Variants in DIP2C observed in about 807,000 individuals in gnomAD.
The protein encoded by DIP2C is DIP2 acetate--CoA ligase C (putative), also known as disco-interacting protein 2 homolog C.
In DIP2C, 33 loss-of-function variants were observed where a neutral mutation model predicts 192.4. The ratio of observed to expected loss-of-function variants is 0.17; its 90% CI spans 0.13 to 0.23. The LOEUF is 0.23. Ranked by LOEUF, DIP2C falls within the 10% of genes least tolerant of loss-of-function variation. The pLI, the probability that DIP2C is intolerant of heterozygous loss-of-function variation, is 1.00. For missense variants in DIP2C, 1,537 were observed against 2,110.1 expected, an observed-to-expected ratio of 0.73 and a Z score of 5.32; for synonymous variants, 979 against 864.1, an observed-to-expected ratio of 1.13 and a Z score of -2.33.
In DIP2C at chr10:621,990, C is replaced by T. The variant is rs147537379; in HGVS notation, c.85+67504G>A. Reference sequence around the variant, plus strand: ...TTTTTTCTTTTTTTTAATGCTCTACCGTGTGTCTTAGTTTAATTTCAAAGT... The same window carrying T: ...TTTTTTCTTTTTTTTAATGCTCTACTGTGTGTCTTAGTTTAATTTCAAAGT... On this transcript the variant is annotated intron_variant, in intron 1 of 36. Coordinates refer to ENST00000280886, the MANE Select transcript of DIP2C (RefSeq NM_014974.3). Among the ~76,000 whole-genome samples, 15 of 151,816 alleles carry T rather than the reference C, an allele frequency of 9.9e-5. 1 individual carries two copies. The East Asian group carries it at 2.9e-3, about 30-fold the overall frequency.
In DIP2C at chr10:329,439, G is replaced by C; in HGVS notation, c.3747C>G (p.Ser1249=). The C allele has an allele frequency of 7.4e-6, 12 of 1,613,174 alleles. No individual in the cohort carries two copies. The highest frequency in any genetic ancestry group is 1.0e-5 in the Non-Finnish European group (12 of 1,179,544). Residue 1249 remains serine, a synonymous_variant, in exon 30 of 37, where the codon TCC becomes TCG. Transcript: ENST00000280886. ...TGCCAAGGGAGCTGCTTACCTTGAG[G>C]GACTCTGTTTGCGAGCCCAGCCCCT... ...CTKGLGSQTE[S]LKARGLDLSR... is the part of the protein sequence containing the mutation.
chr10:387,713 T>TGGACAGACACGGCCGGGG, intron 14 of DIP2C, 32 bp downstream of exon 14: 1 of 1,602,956 alleles, frequency 6.2e-7, no homozygotes, highest in Non-Finnish European at 8.5e-7. Flanking sequence ...GACTCCTTTG[T>TGGACAGACACGGCCGGGG]GGACAGACAC....
chr10:654,007 C>A (rs1856121965), intron 1 of DIP2C, among the ~76,000 whole-genome samples: 1 of 152,128 alleles, frequency 6.6e-6, no homozygotes, highest in Non-Finnish European at 1.5e-5. Flanking sequence ...AATACCTTCC[C>A]CAAATTACCC....
At chr10:566,047 A>T (rs1399290794) in intron 1 of DIP2C, among the ~76,000 whole-genome samples, 1 of 152,212 alleles carries the variant, frequency 6.6e-6, no homozygotes, top group Non-Finnish European at 1.5e-5. Context: ...TTCCAAACTC[A>T]CCAGAAAAAA....
Position 390,037 on chromosome 10 carries a change from C to T in DIP2C, c.1551G>A (p.Leu517=), listed in dbSNP as rs1196165956. ...VLGVTVTRTA[L]LTHCQALTQA... is the part of the protein sequence containing the mutation. ...GCGTCAGGGCCTGGCAGTGTGTCAGCAGCGCAGTCCTCGTCACCGTCACAC... is the reference window on the plus strand; with the variant it reads ...GCGTCAGGGCCTGGCAGTGTGTCAGTAGCGCAGTCCTCGTCACCGTCACAC... The change falls in exon 13 of 37, where the codon CTG becomes CTA. Residue 517 remains leucine, a synonymous_variant. Transcript: ENST00000280886. The T allele has an allele frequency of 6.2e-7, 1 of 1,614,138 alleles. No individual in the cohort carries two copies. Among genetic ancestry groups the T allele is most frequent in the East Asian group, 2.2e-5 (1 of 44,886 alleles).
intron 27 of DIP2C, 39 bp from the exon 28 acceptor site, chr10:344,957 C>T: frequency 6.2e-7 from 1 of 1,605,068 alleles, no homozygotes; most frequent in Non-Finnish European, 8.5e-7. Flanking sequence ...CCAGCCTGAG[C>T]AAGGCCGTGA....
intron 3 of DIP2C, among the ~76,000 whole-genome samples, chr10:462,501 A>T (rs908313287): frequency 1.3e-5 from 2 of 152,234 alleles, no homozygotes; most frequent in African/African-American, 4.8e-5. Flanking sequence ...GAATAGACCA[A>T]TAACAAGTTC....
chr10:396,806 A>C (rs1964016928), intron 10 of DIP2C, among the ~76,000 whole-genome samples: 1 of 122,680 alleles, frequency 8.2e-6, no homozygotes, highest in Non-Finnish European at 1.6e-5. Flanking sequence ...GCACACGTGG[A>C]GTGCTGGCTG....
chr10:370,143 A>G lies in DIP2C; in HGVS notation c.1992-510T>C, dbSNP rs1960790750. ...ACTGCCTGGGCGTATGCCCAATTTT[A>G]TAAGAATCTAAAATAAGATTTACGC... On this transcript the variant is annotated intron_variant, in intron 17 of 36. Coordinates refer to ENST00000280886, the MANE Select transcript of DIP2C (RefSeq NM_014974.3). 6 of 711,116 alleles carry G rather than the reference A, an allele frequency of 8.4e-6. 1 individual carries two copies. The highest frequency in any genetic ancestry group is 1.0e-5 in the Non-Finnish European group (6 of 579,492). The allele number at this position is 711,116 out of a possible 1,614,324, so 44.1% of individuals were successfully genotyped here. A position where few individuals can be genotyped will look rare whatever the true frequency, so the allele number is the denominator to read the frequency against.
rs1954547555 is a variant in DIP2C at position 276,880 on chromosome 10, C to T, written c.*445G>A. ...GCTTAAATTAGTAACAGATCCATGT[C>T]ATTAAGATTTCATGACACATTAAAA... On this transcript the variant is annotated 3_prime_UTR_variant, in exon 37 of 37. Coordinates refer to ENST00000280886, the MANE Select transcript of DIP2C (RefSeq NM_014974.3). The T allele has an allele frequency of 6.2e-6, 1 of 160,686 alleles. No homozygotes were observed. Among genetic ancestry groups the T allele is most frequent in the Admixed American group, 5.9e-5 (1 of 17,010 alleles). 10.0% of individuals were successfully genotyped at this position (160,686 alleles called of 1,614,324 possible).
intron 3 of DIP2C, among the ~76,000 whole-genome samples, chr10:452,914 G>A (rs942842371): frequency 1.3e-5 from 2 of 152,214 alleles, no homozygotes; most frequent in South Asian, 2.1e-4. Flanking sequence ...GCGGATCACC[G>A]GGAGGCCTGG....
chr10:456,626 C>G (rs1969321689), intron 3 of DIP2C, among the ~76,000 whole-genome samples: 1 of 152,212 alleles, frequency 6.6e-6, no homozygotes, highest in African/African-American at 2.4e-5. Flanking sequence ...CTGGGAGAAG[C>G]CAAAACTGTG....
chr10:357,106 G>A (rs901062580), intron 23 of DIP2C, among the ~76,000 whole-genome samples: 33 of 152,138 alleles, frequency 2.2e-4, no homozygotes, highest in African/African-American at 7.7e-4. Context: ...GGTTTCATCC[G>A]TTTCATCAAC....
intron 1 of DIP2C, among the ~76,000 whole-genome samples, chr10:606,566 G>T (rs952758841): frequency 6.9e-6 from 1 of 145,630 alleles, no homozygotes; most frequent in Admixed American, 6.8e-5. Context: ...TGGTTGGGAA[G>T]GGGATCTCTC....
chr10:391,810 T>C (rs985682660), intron 10 of DIP2C, among the ~76,000 whole-genome samples: 1 of 152,198 alleles, frequency 6.6e-6, no homozygotes, highest in Non-Finnish European at 1.5e-5. Flanking sequence ...GGCCTGGCTG[T>C]GGATCTTCCC....
At chr10:667,334 G>A (rs1857156468) in intron 1 of DIP2C, 1 of 152,396 alleles carries the variant, frequency 6.6e-6, no homozygotes, top group Non-Finnish European at 1.5e-5. Flanking sequence ...ACCTGGCTGA[G>A]GCCTCCTGGG....
chr10:577,205 A>G (rs982372005), intron 1 of DIP2C, among the ~76,000 whole-genome samples: 66 of 152,356 alleles, frequency 4.3e-4, no homozygotes, highest in African/African-American at 1.6e-3. Context: ...CCATCCTGAC[A>G]TAGCACTGAC....
chr10:674,332 A>AT (rs1164572319), intron 1 of DIP2C, among the ~76,000 whole-genome samples: 1 of 152,230 alleles, frequency 6.6e-6, no homozygotes, highest in Non-Finnish European at 1.5e-5. Flanking sequence ...ATTAATCACA[A>AT]TTTAAGTTAA....
Position 377,577 on chromosome 10 carries a change from T to C in DIP2C, c.1991+5070A>G, listed in dbSNP as rs80048750. On this transcript the variant is annotated intron_variant, in intron 17 of 36. Coordinates refer to ENST00000280886, the MANE Select transcript of DIP2C (RefSeq NM_014974.3). ...TGACACAGTTTATCTTGCGTTCTCT[T>C]ACATGCGGGATTATGGAACTCTGGG... is the stretch of plus-strand genomic sequence containing the variant. 6.1e-3 allele frequency among the ~76,000 whole-genome samples: 925 copies of C among 152,318 alleles called. 4 individuals carry two copies. The highest frequency in any genetic ancestry group is 0.014 in the Middle Eastern group (4 of 294).
Sources: gnomAD v4.1 joint callset for allele counts (sites outside exome capture counted in the v4.1 genomes callset) on GRCh38, gnomAD v4.1.1 for gene constraint, MANE v1.5 for transcripts, NCBI Gene and HGNC (gene_info 2026-07-23, HGNC 2026-07-21) for gene names.